Variants in PSD3 observed in about 807,000 individuals in gnomAD.
The protein encoded by PSD3 is pleckstrin and Sec7 domain containing 3, also known as PH and SEC7 domain-containing protein 3.
In PSD3, 49 loss-of-function variants were observed where a neutral mutation model predicts 105.5. The observed-to-expected ratio is 0.46, with a 90% confidence interval of 0.37 to 0.59. The LOEUF (loss-of-function observed/expected upper bound fraction) is 0.59. Ranked by LOEUF, PSD3 falls within the 20% of genes least tolerant of loss-of-function variation. PSD3 has a pLI of 0.00. For synonymous variants in PSD3, 557 were observed against 457.8 expected, an observed-to-expected ratio of 1.22 and a Z score of -2.77; for missense variants, 1,561 against 1,263.8, an observed-to-expected ratio of 1.24 and a Z score of -3.57.
chr8:18,844,948 G>A (rs964418079), intron 4 of PSD3, among the ~76,000 whole-genome samples: 1 of 152,178 alleles, frequency 6.6e-6, no homozygotes, highest in Admixed American at 6.6e-5. Context: ...AAATTGGTGG[G>A]AAAGGCTTTG....
chr8:18,688,819 C>G (rs1270024536), intron 9 of PSD3, among the ~76,000 whole-genome samples: 1 of 152,180 alleles, frequency 6.6e-6, no homozygotes, highest in Non-Finnish European at 1.5e-5. Context: ...CATGAGCCAG[C>G]CTGTACAGAG....
Position 18,895,222 on chromosome 8 carries a change from A to G in PSD3, c.131-22489T>C, listed in dbSNP as rs553427412. ...TCCAGAGAAGCAGAATACAGCAAAG[A>G]GTCAACAATTCCCAACTGTCTGGCA... On this transcript the variant is annotated intron_variant, in intron 2 of 15. Coordinates refer to ENST00000327040, the MANE Select transcript of PSD3 (RefSeq NM_015310.4). 2.6e-5 allele frequency among the ~76,000 whole-genome samples: 4 copies of G among 152,356 alleles called. No individual in the cohort carries two copies. The East Asian group carries it at 5.8e-4, about 22-fold the overall frequency.
Position 18,746,583 on chromosome 8 carries a change from G to C in PSD3, c.2172+18866C>G, listed in dbSNP as rs143102991. ...GAAGAAAAATTCTGCATCAGTAATAGTTTCAGAATTAATAGCTCATACCCC... is the reference window on the plus strand; with the variant it reads ...GAAGAAAAATTCTGCATCAGTAATACTTTCAGAATTAATAGCTCATACCCC... On this transcript the variant is annotated intron_variant, in intron 9 of 15. Transcript: ENST00000327040. Among the ~76,000 whole-genome samples, 425 of 152,328 alleles carry C rather than the reference G, an allele frequency of 2.8e-3. 1 individual carries two copies. The highest frequency in any genetic ancestry group is 9.8e-3 in the African/African-American group (409 of 41,568).
intron 9 of PSD3, among the ~76,000 whole-genome samples, chr8:18,745,101 T>A (rs1804901093): frequency 6.6e-6 from 1 of 152,220 alleles, no homozygotes; most frequent in Non-Finnish European, 1.5e-5. Context: ...GTGATGTTAA[T>A]CTTGATCACT....
intron 8 of PSD3, among the ~76,000 whole-genome samples, chr8:18,782,219 G>GT (rs1233537568): frequency 5.3e-5 from 8 of 151,780 alleles, no homozygotes; most frequent in Non-Finnish European, 8.8e-5. Flanking sequence ...TCCTTTGATG[G>GT]TTTCATGCTT....
chr8:18,991,566 A>C (rs2129473554), intron 1 of PSD3, among the ~76,000 whole-genome samples: 2 of 152,258 alleles, frequency 1.3e-5, no homozygotes, highest in East Asian at 3.9e-4. Flanking sequence ...TGAGGGAGGG[A>C]GCATTTGTCA....
chr8:18,584,486 A>G (rs1803020331), intron 12 of PSD3, among the ~76,000 whole-genome samples: 1 of 152,232 alleles, frequency 6.6e-6, no homozygotes, highest in Non-Finnish European at 1.5e-5. Context: ...AGGTTAATCA[A>G]CTTTAGAACG....
chr8:18,667,155 T>A (rs1257743709), intron 9 of PSD3, among the ~76,000 whole-genome samples: 1 of 152,158 alleles, frequency 6.6e-6, no homozygotes, highest in African/African-American at 2.4e-5. Context: ...CCTGCTTTTA[T>A]TCTCTTATCT....
At chr8:18,725,603 TC>T (rs1022747925) in intron 9 of PSD3, among the ~76,000 whole-genome samples, 18 of 152,194 alleles carry the variant, frequency 1.2e-4, no homozygotes, top group African/African-American at 4.1e-4. Flanking sequence ...TCAGTACATG[TC>T]CCAAAGTAAA....
chr8:18,641,215 C>T (rs1807618491), intron 10 of PSD3, among the ~76,000 whole-genome samples: 1 of 152,180 alleles, frequency 6.6e-6, no homozygotes, highest in South Asian at 2.1e-4. Context: ...TTAATTTCCT[C>T]ACCTTACAAC....
At chr8:18,639,406 T>C (rs977748552) in intron 10 of PSD3, among the ~76,000 whole-genome samples, 36 of 152,174 alleles carry the variant, frequency 2.4e-4, no homozygotes, top group African/African-American at 8.4e-4. Context: ...TCCACCATTG[T>C]GCCCCATTTC....
At chr8:18,743,657 T>C (rs892266584) in intron 9 of PSD3, among the ~76,000 whole-genome samples, 1 of 151,776 alleles carries the variant, frequency 6.6e-6, no homozygotes, top group African/African-American at 2.4e-5. Context: ...GCAAAATAAA[T>C]TTTAAAATAT....
intron 1 of PSD3, among the ~76,000 whole-genome samples, chr8:18,957,581 T>C (rs1823655938): frequency 6.6e-6 from 1 of 152,144 alleles, no homozygotes; most frequent in South Asian, 2.1e-4. Context: ...TTTGCTACAA[T>C]TCTTTCACCT....
At chr8:18,628,150 A>G (rs1158167975) in intron 11 of PSD3, among the ~76,000 whole-genome samples, 2 of 152,020 alleles carry the variant, frequency 1.3e-5, no homozygotes, top group Non-Finnish European at 2.9e-5. Context: ...TGAGTATCAT[A>G]TAGCAAACAA....
At chr8:18,538,990 G>T (rs577202203) in intron 15 of PSD3, among the ~76,000 whole-genome samples, 1 of 152,106 alleles carries the variant, frequency 6.6e-6, no homozygotes, top group Non-Finnish European at 1.5e-5. Flanking sequence ...GTTTGCAAAC[G>T]CCGTGCCCCA....
intron 1 of PSD3, among the ~76,000 whole-genome samples, chr8:18,985,658 AC>A (rs1219576117): frequency 6.6e-6 from 1 of 152,062 alleles, no homozygotes; most frequent in Non-Finnish European, 1.5e-5. Context: ...AGTTAAACAT[AC>A]TCCTAAAAAT....
intron 15 of PSD3, among the ~76,000 whole-genome samples, chr8:18,555,712 C>A (rs564921911): frequency 6.6e-6 from 1 of 152,240 alleles, no homozygotes; most frequent in Non-Finnish European, 1.5e-5. Context: ...GATGGATGTG[C>A]CACAACTTAA....
intron 2 of PSD3, among the ~76,000 whole-genome samples, chr8:18,916,170 A>C (rs1820570590): frequency 6.6e-6 from 1 of 151,680 alleles, no homozygotes; most frequent in Non-Finnish European, 1.5e-5. Context: ...TATTTAGCCA[A>C]AGGAAATGAA....
intron 9 of PSD3, among the ~76,000 whole-genome samples, chr8:18,674,571 G>A (rs891695527): frequency 4.6e-5 from 7 of 152,202 alleles, no homozygotes; most frequent in Non-Finnish European, 4.4e-5. Flanking sequence ...TTTGCTATAT[G>A]TAAATACCAC....
Sources: allele counts gnomAD v4.1 joint callset (sites outside exome capture counted in the v4.1 genomes callset), GRCh38; gene constraint gnomAD v4.1.1; transcripts MANE v1.5; gene names NCBI Gene and HGNC (gene_info 2026-07-23, HGNC 2026-07-21).